LRCH1: variants seen among roughly 807,000 people sequenced by gnomAD.
The protein encoded by LRCH1 is leucine rich repeats and calponin homology domain containing 1, also known as leucine-rich repeat and calponin homology domain-containing protein 1.
LRCH1 carries 23 observed loss-of-function variants against 94.9 expected under a neutral mutation model. The ratio of observed to expected loss-of-function variants is 0.24; its 90% CI spans 0.17 to 0.34. The LOEUF is 0.34. Among genes scored for constraint, LRCH1 ranks in the 10% least tolerant of loss-of-function variants. The pLI is 1.00. For synonymous variants in LRCH1, 364 were observed against 354.9 expected, an observed-to-expected ratio of 1.03 and a Z score of -0.29; for missense variants, 790 against 945.9, an observed-to-expected ratio of 0.84 and a Z score of 2.16.
chr13:46,744,635 A>T lies in LRCH1; in HGVS notation c.*2787A>T. ...TAGCCTGCTGCTATTTGTTTGTAAG[A>T]AATTAAAACTAGCGCGTGGTGAGCT... is the stretch of plus-strand genomic sequence containing the variant. On this transcript the variant is annotated 3_prime_UTR_variant, in exon 20 of 20. Coordinates refer to ENST00000389797, the MANE Select transcript of LRCH1 (RefSeq NM_001164211.2). 4.1e-6 allele frequency: 4 copies of T among 985,432 alleles called. No homozygotes were observed. The highest frequency in any genetic ancestry group is 4.8e-6 in the Non-Finnish European group (4 of 829,936). 61.0% of individuals were successfully genotyped at this position (985,432 alleles called of 1,614,324 possible).
At position 46,739,928 on chromosome 13, in the gene LRCH1, T is replaced by G. The variant is rs544076931; in HGVS notation, c.2086-1714T>G. ...AGTTGATCTGACTCTAGTTCTCTGA[T>G]GGTGCTGCCAGAGAGCAGACCAGAC... On this transcript the variant is annotated intron_variant, in intron 19 of 19. Coordinates refer to ENST00000389797, the MANE Select transcript of LRCH1 (RefSeq NM_001164211.2). 8.5e-4 allele frequency among the ~76,000 whole-genome samples: 129 copies of G among 152,334 alleles called. 1 individual carries two copies. The highest frequency in any genetic ancestry group is 2.9e-3 in the African/African-American group (121 of 41,572).
chr13:46,557,858 CA>C (rs2050082903), intron 1 of LRCH1, among the ~76,000 whole-genome samples: 3 of 151,858 alleles, frequency 2.0e-5, no homozygotes, highest in African/African-American at 7.3e-5. Flanking sequence ...GACTCCATCT[CA>C]AAAAATGAAT....
intron 3 of LRCH1, among the ~76,000 whole-genome samples, chr13:46,677,416 C>T (rs150401898): frequency 3.9e-3 from 593 of 152,166 alleles, no homozygotes; most frequent in African/African-American, 0.013. Context: ...GGCGACAGAG[C>T]GAGACAATGT....
intron 2 of LRCH1, among the ~76,000 whole-genome samples, chr13:46,667,268 T>C (rs2051529413): frequency 6.6e-6 from 1 of 152,108 alleles, no homozygotes; most frequent in African/African-American, 2.4e-5. Flanking sequence ...GTGCCCAGAT[T>C]AGAAAGGTTC....
chr13:46,705,498 A>T (rs563166031), intron 13 of LRCH1, 194 bp downstream of exon 13: 1 of 703,506 alleles, frequency 1.4e-6, no homozygotes, highest in African/African-American at 1.8e-5. Flanking sequence ...GCTATACCTC[A>T]CCCTCTGTTG....
rs544899564 is a variant in LRCH1, at chr13:46,603,434, G to A, written c.308-46767G>A. ...TGTTTGCAAAGCTAGTGTCGCTGAG[G>A]TGTTCTGTGTACAACAGAAAAGAAT... On this transcript the variant is annotated intron_variant, in intron 1 of 19. Coordinates refer to ENST00000389797, the MANE Select transcript of LRCH1 (RefSeq NM_001164211.2). 2.0e-5 allele frequency among the ~76,000 whole-genome samples: 3 copies of A among 152,224 alleles called. No individual in the cohort carries two copies. In the South Asian group the frequency reaches 6.2e-4, roughly 32 times the overall value.
At chr13:46,677,137 C>T (rs988299993) in intron 3 of LRCH1, among the ~76,000 whole-genome samples, 4 of 151,742 alleles carry the variant, frequency 2.6e-5, no homozygotes, top group Admixed American at 2.0e-4. Flanking sequence ...CAGCCGGGCA[C>T]GGTGGCTCAC....
At chr13:46,719,180 A>C (rs1430574074) in intron 16 of LRCH1, among the ~76,000 whole-genome samples, 1 of 146,910 alleles carries the variant, frequency 6.8e-6, no homozygotes, top group African/African-American at 2.5e-5. Context: ...CTAGAAACTA[A>C]GTTTAGGAGA....
chr13:46,628,715 G>T (rs1594298468), intron 1 of LRCH1, among the ~76,000 whole-genome samples: 1 of 151,222 alleles, frequency 6.6e-6, no homozygotes, highest in South Asian at 2.1e-4. Context: ...TGACAGGAAC[G>T]GTTAGAGTGG....
chr13:46,712,680 T>G, intron 15 of LRCH1, 83 bp downstream of exon 15: 1 of 1,224,432 alleles, frequency 8.2e-7, no homozygotes, highest in Admixed American at 1.7e-5. Context: ...ATTATCAATG[T>G]GCACATCCTT....
At chr13:46,642,344 GGTGT>G (rs2051168566) in intron 1 of LRCH1, among the ~76,000 whole-genome samples, 1 of 152,160 alleles carries the variant, frequency 6.6e-6, no homozygotes. Flanking sequence ...ACAGGACTTT[GGTGT>G]CATACAAACC....
intron 9 of LRCH1, 71 bp from the exon 10 acceptor site, chr13:46,699,265 C>A: frequency 8.7e-7 from 1 of 1,151,170 alleles, no homozygotes; most frequent in Non-Finnish European, 1.3e-6. Context: ...TAAACATGGG[C>A]TGGGCAGGTT....
At chr13:46,630,781 A>G (rs770346950) in intron 1 of LRCH1, among the ~76,000 whole-genome samples, 3 of 152,226 alleles carry the variant, frequency 2.0e-5, no homozygotes, top group Non-Finnish European at 2.9e-5. Context: ...TGGTGAGAAA[A>G]CACCAATTAA....
intron 1 of LRCH1, among the ~76,000 whole-genome samples, chr13:46,632,276 A>G (rs1315399360): frequency 1.3e-5 from 2 of 152,112 alleles, no homozygotes; most frequent in Admixed American, 1.3e-4. Context: ...TAAGTGCTTA[A>G]TAATAGTTGA....
intron 13 of LRCH1, among the ~76,000 whole-genome samples, chr13:46,706,244 C>T (rs1312948249): frequency 1.3e-5 from 2 of 152,200 alleles, no homozygotes; most frequent in Admixed American, 1.3e-4. Flanking sequence ...GGAACTTAAC[C>T]TCTCTAAACA....
chr13:46,588,303 G>A (rs1362386848), intron 1 of LRCH1, among the ~76,000 whole-genome samples: 1 of 152,172 alleles, frequency 6.6e-6, no homozygotes, highest in Non-Finnish European at 1.5e-5. Flanking sequence ...AGTGGTAGCC[G>A]TTTTCAGAGA....
intron 15 of LRCH1, among the ~76,000 whole-genome samples, chr13:46,712,852 C>T (rs1233022931): frequency 6.6e-6 from 1 of 152,012 alleles, no homozygotes; most frequent in African/African-American, 2.4e-5. Context: ...AGCATGTAAG[C>T]GGGGAAGAAA....
chr13:46,731,664 C>T (rs1593382939), intron 18 of LRCH1, among the ~76,000 whole-genome samples: 2 of 152,318 alleles, frequency 1.3e-5, no homozygotes, highest in South Asian at 4.1e-4. Flanking sequence ...ATCAAAAATT[C>T]TTCACCAAGC....
intron 2 of LRCH1, among the ~76,000 whole-genome samples, chr13:46,658,250 G>A (rs183962290): frequency 3.3e-5 from 5 of 152,158 alleles, no homozygotes; most frequent in African/African-American, 1.2e-4. Context: ...TATGGAAGAT[G>A]GTGTGTTTTA....
Sources: allele counts gnomAD v4.1 joint callset (sites outside exome capture counted in the v4.1 genomes callset), GRCh38; gene constraint gnomAD v4.1.1; transcripts MANE v1.5; gene names NCBI Gene and HGNC (gene_info 2026-07-23, HGNC 2026-07-21).